SCN1A: variants seen among roughly 807,000 people sequenced by gnomAD.
SCN1A encodes sodium voltage-gated channel alpha subunit 1.
In SCN1A, 13 loss-of-function variants were observed where a neutral mutation model predicts 193.7. The observed-to-expected ratio is 0.07, with a 90% CI of 0.04 to 0.11. The LOEUF is 0.11. Among genes scored for constraint, SCN1A ranks in the 10% least tolerant of loss-of-function variants. SCN1A has a pLI of 1.00. For synonymous variants in SCN1A, 781 were observed against 843.6 expected (o/e 0.93, Z 1.29); for missense variants, 1,432 against 2,451.1 (o/e 0.58, Z 8.78).
Position 166,037,855 on chromosome 2 carries a change from A to G in SCN1A, c.2867T>C (p.Met956Thr), listed in dbSNP as rs1696619508. 1.2e-6 allele frequency: 2 copies of G among 1,614,140 alleles called. No individual in the cohort carries two copies. The highest frequency in any genetic ancestry group is 1.7e-6 in the Non-Finnish European group (2 of 1,180,032). The stretch of plus-strand genomic sequence containing the variant: ...ACCAGCAACCTCCATACAGTCCCAC[A>G]TGGTCTCTATCCACTCCCCACACAG... ...RVLCGEWIETMWDCMEVAGQA... is the reference protein window; with the variant it reads ...RVLCGEWIETTWDCMEVAGQA... The change falls in exon 18 of 29, where the codon ATG becomes ACG. Residue 956 changes from methionine (M) to threonine (T), a missense_variant. By Grantham distance (81) the Met-to-Thr change is moderately conservative (BLOSUM62 -1). This residue lies in a region of SCN1A where 93 missense variants were observed against 260.4 expected (regional missense o/e 0.36). Transcript: ENST00000674923.
At chr2:166,094,674 G>A (rs1687181999) in intron 2 of SCN1A, among the ~76,000 whole-genome samples, 1 of 152,166 alleles carries the variant, frequency 6.6e-6, no homozygotes, top group African/African-American at 2.4e-5. Context: ...TAATTTAGTT[G>A]CTACGCATGG....
At chr2:166,016,961 A>T (rs1693394283) in intron 19 of SCN1A, among the ~76,000 whole-genome samples, 1 of 150,896 alleles carries the variant, frequency 6.6e-6, no homozygotes, top group Non-Finnish European at 1.5e-5. Context: ...GTTTCACCGA[A>T]ATATTTGTAT....
chr2:166,003,048 G>C (rs1200691564), intron 23 of SCN1A: 1 of 201,056 alleles, frequency 5.0e-6, no homozygotes, highest in Admixed American at 6.5e-5. Context: ...AGAGGAACTT[G>C]CTGCCAGATG....
rs560586758 is a variant in SCN1A, at chr2:165,997,128, A to G, written c.4476+910T>C. ...TTCATTGTGGGAATTTATTCTCAGG[A>G]AATAATTAAAGCCTTATTTTCTGTC... On this transcript the variant is annotated intron_variant, in intron 26 of 28. Coordinates refer to ENST00000674923, the MANE Select transcript of SCN1A (RefSeq NM_001165963.4). Among the ~76,000 whole-genome samples, 3 of 151,324 alleles carry G rather than the reference A, an allele frequency of 2.0e-5. No homozygotes were observed. In the East Asian group the frequency reaches 5.8e-4, roughly 29 times the overall value.
chr2:166,057,921 T>C (rs1699289925), intron 5 of SCN1A, among the ~76,000 whole-genome samples: 1 of 152,010 alleles, frequency 6.6e-6, no homozygotes, highest in South Asian at 2.1e-4. Flanking sequence ...TTAAGACCAT[T>C]TGGAAATATA....
intron 4 of SCN1A, among the ~76,000 whole-genome samples, chr2:166,063,451 A>G (rs78976425): frequency 0.024 from 3,696 of 152,176 alleles, 224 homozygotes; most frequent in Admixed American, 0.14. Context: ...GTTAATTTCA[A>G]TTGATGGCAA....
At chr2:166,112,936 T>C (rs935122217) in intron 2 of SCN1A, among the ~76,000 whole-genome samples, 1 of 152,208 alleles carries the variant, frequency 6.6e-6, no homozygotes, top group Non-Finnish European at 1.5e-5. Context: ...CTATACTTTC[T>C]GCTATATGTC....
intron 24 of SCN1A, among the ~76,000 whole-genome samples, chr2:166,000,721 A>G (rs1465643015): frequency 2.0e-5 from 3 of 151,720 alleles, no homozygotes; most frequent in Non-Finnish European, 4.4e-5. Context: ...GCTTTTGTAT[A>G]TGAAAGAGAG....
At chr2:166,030,887 G>A (rs1474267459) in intron 19 of SCN1A, among the ~76,000 whole-genome samples, 1 of 151,930 alleles carries the variant, frequency 6.6e-6, no homozygotes, top group African/African-American at 2.4e-5. Flanking sequence ...TTCTATTTGG[G>A]GAGATAAGAT....
At chr2:166,007,864 A>G in intron 23 of SCN1A, among the ~76,000 whole-genome samples, 1 of 151,374 alleles carries the variant, frequency 6.6e-6, no homozygotes. Flanking sequence ...CATAATCATC[A>G]TTCTTATATC....
intron 12 of SCN1A, among the ~76,000 whole-genome samples, chr2:166,046,260 T>C (rs1181336219): frequency 6.6e-6 from 1 of 152,200 alleles, no homozygotes; most frequent in Non-Finnish European, 1.5e-5. Flanking sequence ...TGTGTAAGAT[T>C]GGTAACATTC....
At chr2:166,140,880 A>G (rs1471619227) in intron 1 of SCN1A, among the ~76,000 whole-genome samples, 1 of 152,164 alleles carries the variant, frequency 6.6e-6, no homozygotes, top group Admixed American at 6.5e-5. Context: ...TGCTTCTGAA[A>G]GTGTGGCCAC....
intron 19 of SCN1A, among the ~76,000 whole-genome samples, chr2:166,018,294 G>A (rs949279963): frequency 6.6e-6 from 1 of 151,824 alleles, no homozygotes; most frequent in Non-Finnish European, 1.5e-5. Context: ...TTCACTTTAT[G>A]AATTAAAGCA....
Position 166,043,647 on chromosome 2 carries a change from GAACTAT to G in SCN1A, c.2043+16_2043+21del. The G allele has an allele frequency of 4.4e-6, 7 of 1,605,876 alleles. No homozygotes were observed. The highest frequency in any genetic ancestry group is 6.0e-6 in the Non-Finnish European group (7 of 1,175,602). ...CAGCAATAGTGAGCCAGCCATGCCTGAACTATTTAAAACTTCCTTACATTGTCATCA... is the reference window on the plus strand; with the variant it reads ...CAGCAATAGTGAGCCAGCCATGCCTGTTAAAACTTCCTTACATTGTCATCA... On this transcript the variant is annotated intron_variant, in intron 14 of 28. Transcript: ENST00000674923.
chr2:166,127,283 C>T (rs890742105), intron 1 of SCN1A, among the ~76,000 whole-genome samples: 1 of 152,198 alleles, frequency 6.6e-6, no homozygotes, highest in Non-Finnish European at 1.5e-5. Context: ...CTGAATACCC[C>T]TGCAATGCTA....
chr2:166,144,853 GTTT>G (rs76856475), intron 1 of SCN1A, among the ~76,000 whole-genome samples: 3 of 138,558 alleles, frequency 2.2e-5, no homozygotes, highest in Non-Finnish European at 3.1e-5. Flanking sequence ...AAGGATCATG[GTTT>G]TTTTTTTTTT....
chr2:166,147,595 A>AT (rs1692374856), intron 1 of SCN1A, among the ~76,000 whole-genome samples: 1 of 152,200 alleles, frequency 6.6e-6, no homozygotes, highest in Non-Finnish European at 1.5e-5. Context: ...TATGAGGAAT[A>AT]GTCTGAATGC....
intron 23 of SCN1A, 195 bp from the exon 24 acceptor site, chr2:166,002,948 C>G (rs1236231479): frequency 2.4e-6 from 1 of 425,270 alleles, no homozygotes; most frequent in African/African-American, 2.1e-5. Context: ...AGGAAAACAA[C>G]TATAGGCAAT....
At chr2:166,101,248 C>T (rs2106142702) in intron 2 of SCN1A, among the ~76,000 whole-genome samples, 1 of 151,352 alleles carries the variant, frequency 6.6e-6, no homozygotes, top group East Asian at 2.0e-4. Context: ...TCTCTGTAAA[C>T]TATCGCAAGA....
Sources: allele counts gnomAD v4.1 joint callset (sites outside exome capture counted in the v4.1 genomes callset), GRCh38; gene constraint gnomAD v4.1.1; regional missense constraint gnomAD v4.1.1; transcripts MANE v1.5; gene names NCBI Gene and HGNC (gene_info 2026-07-23, HGNC 2026-07-21).